Variants in PKD1L3 observed in about 807,000 individuals in gnomAD.
PKD1L3 encodes polycystin-1-like protein 3.
Under a neutral mutation model 184.1 loss-of-function variants are expected in PKD1L3, and 239 were observed. That is an observed-to-expected ratio of 1.30 (90% CI 1.17 to 1.45). The LOEUF (loss-of-function observed/expected upper bound fraction) is 1.45. PKD1L3 is among the 40% of genes most tolerant of loss of function. The pLI is 0.00. For missense variants in PKD1L3, 2,660 were observed against 2,067.2 expected (o/e 1.29, Z -5.56); for synonymous variants, 996 against 778.8 (o/e 1.28, Z -4.64).
At chr16:71,971,020 C>A (rs570379431) in intron 12 of PKD1L3, among the ~76,000 whole-genome samples, 2 of 152,150 alleles carry the variant, frequency 1.3e-5, no homozygotes, top group African/African-American at 4.8e-5. Flanking sequence ...AGGCGATTGT[C>A]TTGTTCACTG....
chr16:71,960,779 T>C (rs1010957492), intron 16 of PKD1L3, among the ~76,000 whole-genome samples: 1 of 152,094 alleles, frequency 6.6e-6, no homozygotes, highest in Non-Finnish European at 1.5e-5. Context: ...ACTAGAACTT[T>C]GGATGCAATG....
chr16:71,992,031 G>A (rs1309379350), intron 3 of PKD1L3, among the ~76,000 whole-genome samples: 1 of 151,988 alleles, frequency 6.6e-6, no homozygotes, highest in Non-Finnish European at 1.5e-5. Flanking sequence ...ATGTTGCCCA[G>A]GTTGGACTGG....
At position 71,930,193 on chromosome 16, in the gene PKD1L3, CAAT is replaced by C; in HGVS notation, c.4927-13_4927-11del. ...GGTCTAAAGCGAAAACCTGGGAAAA[CAAT>C]AAGAACACTTGCAGTGACTGACAAT... On this transcript the variant is annotated splice_polypyrimidine_tract_variant and intron_variant, in intron 28 of 29. Transcript: ENST00000620267. The C allele has an allele frequency of 2.0e-6, 3 of 1,538,012 alleles. No homozygotes were observed. The highest frequency in any genetic ancestry group is 2.6e-6 in the Non-Finnish European group (3 of 1,141,556).
chr16:71,933,853 A>G, intron 27 of PKD1L3, 62 bp downstream of exon 27: 1 of 1,513,934 alleles, frequency 6.6e-7, no homozygotes, highest in Non-Finnish European at 9.0e-7. Context: ...TTTCTATGGG[A>G]AGCGATGCGA....
chr16:71,979,706 T>C (rs945159187), intron 9 of PKD1L3, 80 bp downstream of exon 9: 5 of 1,424,464 alleles, frequency 3.5e-6, no homozygotes, highest in Non-Finnish European at 2.8e-6. Context: ...TTACATTTCA[T>C]GATACATTAC....
Position 71,998,378 on chromosome 16 carries a change from G to A in PKD1L3, c.312C>T (p.Asn104=), listed in dbSNP as rs369229260. 79 of 1,551,352 alleles carry A rather than the reference G, an allele frequency of 5.1e-5. No individual in the cohort carries two copies. Among genetic ancestry groups the A allele is most frequent in the East Asian group, 2.7e-4 (11 of 40,938 alleles). ...DNKYPADVAA[N]GPPKPLSCTY... is the part of the protein sequence containing the mutation. ...TGCAGCTGAGGGGCTTTGGGGGCCC[G>A]TTGGCTGCAACGTCTGCTGAGGGGA... The change falls in exon 2 of 30, where the codon AAC becomes AAT. Residue 104 remains asparagine, a synonymous_variant. Transcript: ENST00000620267.
intron 16 of PKD1L3, among the ~76,000 whole-genome samples, chr16:71,960,775 A>C (rs12926353): frequency 0.47 from 71,183 of 151,860 alleles, 17,379 homozygotes; most frequent in Middle Eastern, 0.57. Context: ...AAATACTAGA[A>C]CTTTGGATGC....
chr16:71,942,186 G>A (rs2038384492), intron 24 of PKD1L3, among the ~76,000 whole-genome samples: 1 of 151,830 alleles, frequency 6.6e-6, no homozygotes. Context: ...AAAAAAATCA[G>A]CCAGGCATGG....
intron 25 of PKD1L3, among the ~76,000 whole-genome samples, chr16:71,936,894 T>C (rs767040911): frequency 4.6e-5 from 7 of 152,134 alleles, no homozygotes; most frequent in Admixed American, 6.5e-5. Flanking sequence ...TCCTGAAAAA[T>C]TGAAAGAGCC....
chr16:71,977,386 T>A lies in PKD1L3; in HGVS notation c.1609A>T (p.Asn537Tyr). The change falls in exon 11 of 30, where the codon AAC (asparagine) becomes TAC (tyrosine). Residue 537 changes from asparagine to tyrosine, a missense_variant. Transcript: ENST00000620267. ...AAGGATTTCTCCAAGGAAGTGACGT[T>A]CACTGTGATTGTAAGCTGATGTGTG... is the stretch of plus-strand genomic sequence containing the variant. ...MSTHQLTITV[N>Y]VTSLEKSLIV... 1 of 1,551,500 alleles carries A rather than the reference T, an allele frequency of 6.4e-7. No homozygotes were observed. The highest frequency in any genetic ancestry group is 8.7e-7 in the Non-Finnish European group (1 of 1,146,814).
intron 2 of PKD1L3, among the ~76,000 whole-genome samples, chr16:71,994,392 T>G (rs1437119187): frequency 6.6e-6 from 1 of 152,168 alleles, no homozygotes. Context: ...TCCATGACTC[T>G]GACCATCAAA....
Position 71,933,502 on chromosome 16 carries a change from C to T in PKD1L3, c.4844G>A (p.Cys1615Tyr). 2 of 1,551,376 alleles carry T rather than the reference C, an allele frequency of 1.3e-6. No homozygotes were observed. The highest frequency in any genetic ancestry group is 1.7e-6 in the Non-Finnish European group (2 of 1,146,510). ...YAIAFNLLFGCSISDYRTFFS... is the reference protein window; with the variant it reads ...YAIAFNLLFGYSISDYRTFFS... ...AAATGTCCGGTAGTCAGAGATGCTG[C>T]ATCCAAACAGCAGGTTAAACTGAAC... The change falls in exon 28 of 30, where the codon TGC becomes TAC. Residue 1615 changes from cysteine to tyrosine, a missense_variant. By Grantham distance (194) the Cys-to-Tyr change is radical. Transcript: ENST00000620267.
At position 71,984,214 on chromosome 16, in the gene PKD1L3, G is replaced by C. The variant is rs558005843; in HGVS notation, c.835-47C>G. The C allele has an allele frequency of 2.4e-4, 368 of 1,524,590 alleles. 6 individuals carry two copies. The South Asian group carries it at 4.2e-3, about 17-fold the overall frequency. 94.4% of individuals were successfully genotyped at this position (1,524,590 alleles called of 1,614,324 possible). On this transcript the variant is annotated intron_variant, in intron 5 of 29. Transcript: ENST00000620267. ...TCAAAATTACTCATACAAAATTACTGTACTGTAGTAGTCAGGGAGATTATT... is the reference window on the plus strand; with the variant it reads ...TCAAAATTACTCATACAAAATTACTCTACTGTAGTAGTCAGGGAGATTATT...
intron 2 of PKD1L3, among the ~76,000 whole-genome samples, chr16:71,996,579 G>A (rs961655741): frequency 1.3e-5 from 2 of 151,976 alleles, no homozygotes. Context: ...CTTTTATAGC[G>A]ACGCCTACTT....
chr16:71,994,515 G>A (rs1200228284), intron 2 of PKD1L3, among the ~76,000 whole-genome samples: 7 of 151,980 alleles, frequency 4.6e-5, no homozygotes, highest in Non-Finnish European at 7.4e-5. Context: ...TGGTAGCTCA[G>A]ATTAAGTACA....
At position 71,967,910 on chromosome 16, in the gene PKD1L3, G is replaced by A. The variant is rs1437255507; in HGVS notation, c.2282C>T (p.Ala761Val). The change falls in exon 14 of 30, where the codon GCT becomes GTT. Residue 761 changes from alanine (A) to valine (V), a missense_variant. By Grantham distance (64) the Ala-to-Val change is moderately conservative. Transcript: ENST00000620267. ...TGYRRSAATT[A>V]KVVITLYGSE... ...AAAAACATTTATTTCATTAACCTTAGCTGTTGTAGCAGCGCTTCTTCGATA... is the reference window on the plus strand; with the variant it reads ...AAAAACATTTATTTCATTAACCTTAACTGTTGTAGCAGCGCTTCTTCGATA... The A allele has an allele frequency of 6.5e-7, 1 of 1,548,376 alleles. No individual in the cohort carries two copies.
At position 71,949,946 on chromosome 16, in the gene PKD1L3, C is replaced by T; in HGVS notation, c.3455G>A (p.Trp1152Ter). The part of the protein sequence containing the change: ...KKPISNGLSK[W>*]LTSVCWLLLG... Reference sequence around the variant, plus strand: ...GAGGAGCCAGCAGACTGAAGTCAACCATTTGGACAGGCCATTTGAGATGGG... The same window carrying T: ...GAGGAGCCAGCAGACTGAAGTCAACTATTTGGACAGGCCATTTGAGATGGG... Residue 1152 changes from tryptophan (W) to a stop codon, truncating the protein, a stop_gained, in exon 21 of 30, where the codon TGG (tryptophan) becomes TAG (stop). Coordinates refer to ENST00000620267, the MANE Select transcript of PKD1L3 (RefSeq NM_181536.2). LOFTEE classifies it high-confidence loss of function. 6.4e-7 allele frequency: 1 copy of T among 1,551,602 alleles called. No homozygotes were observed. The highest frequency in any genetic ancestry group is 8.7e-7 in the Non-Finnish European group (1 of 1,146,988).
rs537575694 is a variant in PKD1L3, at chr16:71,933,402, A to G, written c.4926+18T>C. The G allele has an allele frequency of 3.8e-5, 58 of 1,511,356 alleles. No homozygotes were observed. In the African/African-American group the frequency reaches 7.1e-4, roughly 18 times the overall value. The allele number at this position is 1,511,356 out of a possible 1,614,324, so 93.6% of individuals were successfully genotyped here. On this transcript the variant is annotated intron_variant, in intron 28 of 29. Transcript: ENST00000620267. ...TCAATATATTGAATTCTGTGAGGAA[A>G]CAAATTATTATTTTTACCTCCTCTT...
chr16:71,961,388 G>A (rs898316730), intron 16 of PKD1L3, among the ~76,000 whole-genome samples: 1 of 152,138 alleles, frequency 6.6e-6, no homozygotes, highest in Non-Finnish European at 1.5e-5. Context: ...CTCCCAAAAT[G>A]TTGGGATTAC....
Sources: gnomAD v4.1 joint callset for allele counts (sites outside exome capture counted in the v4.1 genomes callset) on GRCh38, gnomAD v4.1.1 for gene constraint, MANE v1.5 for transcripts, NCBI Gene and HGNC (gene_info 2026-07-23, HGNC 2026-07-21) for gene names.